DNMBP: variants seen among roughly 807,000 people sequenced by gnomAD.
DNMBP encodes dynamin binding protein.
In DNMBP, 87 loss-of-function variants were observed where a neutral mutation model predicts 150.0. That is an observed-to-expected ratio of 0.58 (90% CI 0.49 to 0.69). The LOEUF (loss-of-function observed/expected upper bound fraction) is 0.69. Ranked by LOEUF, DNMBP falls within the 30% of genes least tolerant of loss-of-function variation. The pLI is 0.00. For missense variants in DNMBP, 1,774 were observed against 1,949.0 expected (o/e 0.91, Z 1.69); for synonymous variants, 711 against 750.4 (o/e 0.95, Z 0.86).
At chr10:99,938,475 C>T (rs1456667599) in intron 4 of DNMBP, among the ~76,000 whole-genome samples, 8 of 152,092 alleles carry the variant, frequency 5.3e-5, no homozygotes, top group Non-Finnish European at 1.2e-4. Context: ...GCCTGGGAGG[C>T]GGAGGTTGCA....
In DNMBP at chr10:99,909,158, A is replaced by G; in HGVS notation, c.2261-12T>C. On this transcript the variant is annotated splice_polypyrimidine_tract_variant and intron_variant, in intron 4 of 16. Transcript: ENST00000324109. ...GAGGAGCGTCATTTCTAGAAGGGAA[A>G]AGAGAACTGGTTAGCAGCTCTGGGT... 2.5e-6 allele frequency: 4 copies of G among 1,609,886 alleles called. No homozygotes were observed. The highest frequency in any genetic ancestry group is 2.5e-6 in the Non-Finnish European group (3 of 1,178,140).
At chr10:99,891,965 G>A (rs1346872181) in intron 11 of DNMBP, among the ~76,000 whole-genome samples, 4 of 147,550 alleles carry the variant, frequency 2.7e-5, no homozygotes, top group Admixed American at 1.3e-4. Context: ...GGGAGGTGAG[G>A]GGCGCCTCTG....
intron 4 of DNMBP, among the ~76,000 whole-genome samples, chr10:99,935,462 C>T (rs1298085294): frequency 6.6e-6 from 1 of 152,144 alleles, no homozygotes; most frequent in Non-Finnish European, 1.5e-5. Context: ...TCATAGTTCA[C>T]TGTAGCCTTG....
At chr10:99,914,851 G>C (rs2039943456) in intron 4 of DNMBP, among the ~76,000 whole-genome samples, 1 of 151,778 alleles carries the variant, frequency 6.6e-6, no homozygotes, top group South Asian at 2.1e-4. Flanking sequence ...CAGCACCCTG[G>C]GAGGCCGAGA....
intron 11 of DNMBP, among the ~76,000 whole-genome samples, chr10:99,891,589 C>T (rs370876979): frequency 0.034 from 5,161 of 151,570 alleles, 88 homozygotes; most frequent in South Asian, 0.087. Context: ...TCTGCCCGGC[C>T]GCCACCCCGT....
intron 6 of DNMBP, among the ~76,000 whole-genome samples, chr10:99,902,142 G>A (rs1180565070): frequency 3.3e-5 from 5 of 151,898 alleles, no homozygotes; most frequent in East Asian, 1.9e-4. Context: ...CACCTGCCTC[G>A]GCCCTTCCAA....
At chr10:99,878,905 G>C (rs1182768803) in intron 16 of DNMBP, among the ~76,000 whole-genome samples, 1 of 150,312 alleles carries the variant, frequency 6.7e-6, no homozygotes, top group Non-Finnish European at 1.5e-5. Context: ...GGCAGGCAGC[G>C]AGGTCAGGAG....
chr10:99,903,949 G>A (rs1233590333), intron 6 of DNMBP, among the ~76,000 whole-genome samples: 1 of 151,316 alleles, frequency 6.6e-6, no homozygotes, highest in Non-Finnish European at 1.5e-5. Flanking sequence ...TAGAGACGGG[G>A]TTTTCCCATG....
In DNMBP at chr10:99,885,830, C is replaced by T; in HGVS notation, c.3655G>A (p.Ala1219Thr). The change falls in exon 14 of 17, where the codon GCC becomes ACC. Residue 1219 changes from alanine (A) to threonine (T), a missense_variant. Coordinates refer to ENST00000324109, the MANE Select transcript of DNMBP (RefSeq NM_015221.4). ...CTGCTGTGCTCTTCGTGGAAGATGG[C>T]AATAAGGTTTCCCTCTCTGCCAGCC... ...KVAGREGNLI[A>T]IFHEEHSRVL... is the part of the protein sequence containing the mutation. The T allele has an allele frequency of 1.2e-6, 2 of 1,613,208 alleles. No homozygotes were observed. Among genetic ancestry groups the T allele is most frequent in the Non-Finnish European group, 1.7e-6 (2 of 1,179,736 alleles).
intron 10 of DNMBP, 110 bp downstream of exon 10, chr10:99,896,157 G>T: frequency 1.6e-6 from 2 of 1,289,756 alleles, no homozygotes; most frequent in East Asian, 2.5e-5. Context: ...TCGTAAAACC[G>T]GAGGACGTCT....
In DNMBP at chr10:99,876,877, C is replaced by G; in HGVS notation, c.*274G>C. 5.9e-6 allele frequency: 2 copies of G among 336,274 alleles called. No individual in the cohort carries two copies. The highest frequency in any genetic ancestry group is 7.6e-5 in the South Asian group (1 of 13,236). The allele number at this position is 336,274 out of a possible 1,614,324, so 20.8% of individuals were successfully genotyped here. On this transcript the variant is annotated 3_prime_UTR_variant, in exon 17 of 17. Coordinates refer to ENST00000324109, the MANE Select transcript of DNMBP (RefSeq NM_015221.4). ...GCTTCTGACTGCAAGTTTCTCCTTT[C>G]CAAAAGCCAGCTCTAAGACTTGTCT...
rs1466344771 is a variant in DNMBP, at chr10:99,885,797, G to T, written c.3688C>A (p.Gln1230Lys). ...AAGAAGGTAAAAACCTGGAGTTGCT[G>T]CAGAACTCTGCTGTGCTCTTCGTGG... ...IFHEEHSRVL[Q>K]QLQVFTFFPE... The change falls in exon 14 of 17, where the codon CAG becomes AAG. Residue 1230 changes from glutamine (Q) to lysine (K), a missense_variant. This residue lies in a region of DNMBP where 1,430 missense variants were observed against 1,492.5 expected (regional missense o/e 0.96). Coordinates refer to ENST00000324109, the MANE Select transcript of DNMBP (RefSeq NM_015221.4). 1.2e-6 allele frequency: 2 copies of T among 1,612,496 alleles called. No homozygotes were observed. Among genetic ancestry groups the T allele is most frequent in the Non-Finnish European group, 1.7e-6 (2 of 1,179,522 alleles).
chr10:99,901,172 G>A (rs1188395838), intron 6 of DNMBP, among the ~76,000 whole-genome samples: 1 of 152,210 alleles, frequency 6.6e-6, no homozygotes, highest in Non-Finnish European at 1.5e-5. Context: ...CTGGGCTCAA[G>A]CAATCCACCT....
chr10:99,877,005 A>G lies in DNMBP; in HGVS notation c.*146T>C. 3 of 623,460 alleles carry G rather than the reference A, an allele frequency of 4.8e-6. No homozygotes were observed. The highest frequency in any genetic ancestry group is 8.1e-6 in the Non-Finnish European group (3 of 369,528). The allele number at this position is 623,460 out of a possible 1,614,324, so 38.6% of individuals were successfully genotyped here. A position where few individuals can be genotyped will look rare whatever the true frequency, so the allele number is the denominator to read the frequency against. Reference sequence around the variant, plus strand: ...GTTTACAACCCAATCGAGGAGAACAAGATCTGTGGTGTGCTCCACCATGCC... The same window carrying G: ...GTTTACAACCCAATCGAGGAGAACAGGATCTGTGGTGTGCTCCACCATGCC... On this transcript the variant is annotated 3_prime_UTR_variant, in exon 17 of 17. Transcript: ENST00000324109.
rs1357111456 is a variant in DNMBP, at chr10:99,956,008, A to G, written c.1466T>C (p.Val489Ala). 2.5e-6 allele frequency: 4 copies of G among 1,613,946 alleles called. No individual in the cohort carries two copies. The highest frequency in any genetic ancestry group is 1.1e-5 in the South Asian group (1 of 91,080). ...AGGACTTGATTGTCTGGGTTTGACT[A>G]CCCTTGAAGCTGAAACAGAAGAGCC... ...YRGSSVSASRVVKPRQSSPQL... is the reference protein window; with the variant it reads ...YRGSSVSASRAVKPRQSSPQL... The change falls in exon 4 of 17, where the codon GTA becomes GCA. Residue 489 changes from valine to alanine, a missense_variant. Around this residue, in one of 2 missense-constraint regions of DNMBP, gnomAD observed 1,430 missense variants for 1,492.5 expected, o/e 0.96. Coordinates refer to ENST00000324109, the MANE Select transcript of DNMBP (RefSeq NM_015221.4).
At position 99,969,139 on chromosome 10, in the gene DNMBP, A is replaced by G. The variant is rs1564749873; in HGVS notation, c.244T>C (p.Leu82=). The stretch of plus-strand genomic sequence containing the variant: ...CCTCGATGGAGGGGAAGATTATCCA[A>G]CTCTTGGGATGTGAATTCACAAATG... The part of the protein sequence containing the change: ...VCICEFTSQE[L]DNLPLHRGDL... Residue 82 remains leucine (L), a synonymous_variant, in exon 3 of 17, where the codon TTG becomes CTG. Coordinates refer to ENST00000324109, the MANE Select transcript of DNMBP (RefSeq NM_015221.4). 6.2e-7 allele frequency: 1 copy of G among 1,613,930 alleles called. No homozygotes were observed. Among genetic ancestry groups the G allele is most frequent in the African/African-American group, 1.3e-5 (1 of 74,960 alleles).
chr10:99,905,049 A>G (rs772891589), intron 6 of DNMBP, among the ~76,000 whole-genome samples: 1 of 152,232 alleles, frequency 6.6e-6, no homozygotes, highest in Non-Finnish European at 1.5e-5. Context: ...TTTAGATAGC[A>G]GCCAACTTTA....
At chr10:99,907,586 G>A (rs2039842610) in intron 6 of DNMBP, among the ~76,000 whole-genome samples, 1 of 151,952 alleles carries the variant, frequency 6.6e-6, no homozygotes, top group Non-Finnish European at 1.5e-5. Context: ...AGTACAGACA[G>A]GGTTTCACCA....
At position 99,956,280 on chromosome 10, in the gene DNMBP, T is replaced by C. The variant is rs2040494663; in HGVS notation, c.1194A>G (p.Thr398=). ...PGVEWEMPLA[T]DSPTSDPTEV... ...CTGTAGGGTCAGATGTGGGAGAGTC[T>C]GTGGCAAGAGGCATTTCCCACTCCA... The change falls in exon 4 of 17, where the codon ACA becomes ACG. Residue 398 remains threonine (T), a synonymous_variant. Transcript: ENST00000324109. 1 of 1,613,286 alleles carries C rather than the reference T, an allele frequency of 6.2e-7. No individual in the cohort carries two copies. The highest frequency in any genetic ancestry group is 8.5e-7 in the Non-Finnish European group (1 of 1,179,918).
Sources: allele counts gnomAD v4.1 joint callset (sites outside exome capture counted in the v4.1 genomes callset), GRCh38; gene constraint gnomAD v4.1.1; regional missense constraint gnomAD v4.1.1; transcripts MANE v1.5; gene names NCBI Gene and HGNC (gene_info 2026-07-23, HGNC 2026-07-21).